FBXO10: variants seen among roughly 807,000 people sequenced by gnomAD.
FBXO10 encodes F-box only protein 10.
FBXO10 carries 39 observed loss-of-function variants against 80.7 expected under a neutral mutation model. That is an observed-to-expected ratio of 0.48 (90% CI 0.37 to 0.63). The LOEUF (loss-of-function observed/expected upper bound fraction) is 0.63, where lower values mean the gene tolerates loss of function less well. FBXO10 is among the 30% of genes least tolerant of loss of function. The pLI, the probability that FBXO10 is intolerant of heterozygous loss-of-function variation, is 0.00. For synonymous variants in FBXO10, 449 were observed against 489.6 expected (o/e 0.92, Z 1.09); for missense variants, 1,025 against 1,269.0 (o/e 0.81, Z 2.92).
intron 1 of FBXO10, among the ~76,000 whole-genome samples, chr9:37,553,941 A>G (rs1275266873): frequency 7.0e-6 from 1 of 143,882 alleles, no homozygotes; most frequent in Non-Finnish European, 1.5e-5. Flanking sequence ...AAAAAAAAAG[A>G]AAGAAAGAAA....
intron 1 of FBXO10, among the ~76,000 whole-genome samples, chr9:37,557,104 C>T (rs939369498): frequency 6.6e-6 from 1 of 152,198 alleles, no homozygotes; most frequent in African/African-American, 2.4e-5. Context: ...ACTGGGTCTA[C>T]GTGTCCATGC....
intron 1 of FBXO10, among the ~76,000 whole-genome samples, chr9:37,545,219 C>G (rs964959039): frequency 2.1e-5 from 3 of 144,826 alleles, no homozygotes; most frequent in Non-Finnish European, 3.0e-5. Flanking sequence ...CTCTACCACC[C>G]AGACTGGAGT....
intron 6 of FBXO10, among the ~76,000 whole-genome samples, 192 bp downstream of exon 6, chr9:37,524,910 C>T (rs969116248): frequency 2.0e-5 from 3 of 152,182 alleles, no homozygotes; most frequent in African/African-American, 7.2e-5. Flanking sequence ...GAGCAGACAC[C>T]CACTCTGTGT....
At position 37,512,388 on chromosome 9, in the gene FBXO10, G is replaced by A. The variant is rs1478081847; in HGVS notation, c.*159C>T. 1.3e-5 allele frequency: 8 copies of A among 618,148 alleles called. No individual in the cohort carries two copies. Among genetic ancestry groups the A allele is most frequent in the African/African-American group, 5.5e-5 (3 of 54,168 alleles). 38.3% of individuals were successfully genotyped at this position (618,148 alleles called of 1,614,324 possible). ...CATTGCCCACTTTCTTCTTGCTATG[G>A]GCTGTGGAGCTGAAGTGTTCTGGAG... On this transcript the variant is annotated 3_prime_UTR_variant, in exon 11 of 11. Coordinates refer to ENST00000432825, the MANE Select transcript of FBXO10 (RefSeq NM_012166.3).
At chr9:37,561,534 T>A (rs1822483229) in intron 1 of FBXO10, among the ~76,000 whole-genome samples, 2 of 152,198 alleles carry the variant, frequency 1.3e-5, no homozygotes, top group Non-Finnish European at 2.9e-5. Flanking sequence ...TGCCTCGCCC[T>A]GTGACTTCAG....
At chr9:37,543,353 T>TC (rs1397529030) in intron 1 of FBXO10, among the ~76,000 whole-genome samples, 1 of 152,162 alleles carries the variant, frequency 6.6e-6, no homozygotes. Context: ...AAAGGGGCCA[T>TC]CGAGCCCTTT....
chr9:37,532,694 C>T (rs74600511), intron 3 of FBXO10, among the ~76,000 whole-genome samples: 3,880 of 152,202 alleles, frequency 0.025, 70 homozygotes, highest in Middle Eastern at 0.071. Flanking sequence ...GCCCTGTGCT[C>T]TATATTCAGA....
At chr9:37,521,524 G>A (rs1821344520) in intron 8 of FBXO10, 45 bp downstream of exon 8, 2 of 1,459,832 alleles carry the variant, frequency 1.4e-6, no homozygotes, top group Admixed American at 2.5e-5. Context: ...AGACAGTGGG[G>A]AGCCATGGAA....
rs1234748674 is a variant in FBXO10, at chr9:37,516,023, C to T, written c.2577G>A (p.Lys859=). ...AGATGATGTTTTCCTGCACCAGGGC[C>T]TTGGCACGGCCCCGCACGGCGATGC... ...AYGIAVRGRA[K]ALVQENIIFQ... Residue 859 remains lysine (K), a synonymous_variant, in exon 10 of 11, where the codon AAG becomes AAA. Coordinates refer to ENST00000432825, the MANE Select transcript of FBXO10 (RefSeq NM_012166.3). The T allele has an allele frequency of 3.7e-6, 6 of 1,613,924 alleles. No homozygotes were observed. In the South Asian group the frequency reaches 6.6e-5, roughly 18 times the overall value.
chr9:37,515,798 G>C (rs1821165767), intron 10 of FBXO10, 106 bp downstream of exon 10: 1 of 1,200,594 alleles, frequency 8.3e-7, no homozygotes. Context: ...CAGCTGGCAG[G>C]GTTGCAGGGA....
intron 1 of FBXO10, chr9:37,575,598 G>C (rs1031099839): frequency 7.9e-5 from 12 of 152,252 alleles, no homozygotes; most frequent in Middle Eastern, 3.2e-3. Flanking sequence ...ATCTGAACCA[G>C]AGCTAACTGA....
chr9:37,555,757 A>C (rs1822319673), intron 1 of FBXO10, among the ~76,000 whole-genome samples: 1 of 151,924 alleles, frequency 6.6e-6, no homozygotes, highest in South Asian at 2.1e-4. Context: ...TGCCAGATAC[A>C]TGTTCTTTGA....
Position 37,541,278 on chromosome 9 carries a change from A to C in FBXO10, c.491T>G (p.Val164Gly). The C allele has an allele frequency of 6.2e-7, 1 of 1,613,960 alleles. No individual in the cohort carries two copies. ...EIVGQGKLGE[V>G]ALLASIDQHC... The stretch of plus-strand genomic sequence containing the variant: ...CTGATCAATGCTGGCCAGCAGGGCC[A>C]CTTCACCCAACTTCCCCTGCCCTAC... Residue 164 changes from valine (V) to glycine (G), a missense_variant, in exon 2 of 11, where the codon GTG becomes GGG. By Grantham distance (109) the Val-to-Gly change is moderately radical. Transcript: ENST00000432825.
Position 37,515,990 on chromosome 9 carries a change from G to T in FBXO10, c.2610C>A (p.Gly870=), listed in dbSNP as rs1193107065. The T allele has an allele frequency of 2.5e-6, 4 of 1,613,954 alleles. No homozygotes were observed. Among genetic ancestry groups the T allele is most frequent in the African/African-American group, 2.7e-5 (2 of 74,932 alleles). Residue 870 remains glycine (G), a synonymous_variant, in exon 10 of 11, where the codon GGC becomes GGA. Transcript: ENST00000432825. Reference sequence around the variant, plus strand: ...GCTGAAAGATGGTCTTACTGGTTTTGCCCTGGAAGATGATGTTTTCCTGCA... The same window carrying T: ...GCTGAAAGATGGTCTTACTGGTTTTTCCCTGGAAGATGATGTTTTCCTGCA... ...ALVQENIIFQ[G]KTSKTIFQQI... is the part of the protein sequence containing the mutation.
chr9:37,533,750 TAGTTTC>T (rs1432725717), intron 3 of FBXO10, among the ~76,000 whole-genome samples: 2 of 151,764 alleles, frequency 1.3e-5, no homozygotes, highest in Non-Finnish European at 2.9e-5. Context: ...CTCATGCCTG[TAGTTTC>T]AGCTACTTGG....
chr9:37,561,692 A>G (rs1822488611), intron 1 of FBXO10, among the ~76,000 whole-genome samples: 1 of 152,232 alleles, frequency 6.6e-6, no homozygotes, highest in Non-Finnish European at 1.5e-5. Context: ...CTATGTGCCA[A>G]GCATTGTTCC....
At chr9:37,545,015 G>A (rs1822021738) in intron 1 of FBXO10, among the ~76,000 whole-genome samples, 1 of 142,964 alleles carries the variant, frequency 7.0e-6, no homozygotes, top group Non-Finnish European at 1.5e-5. Flanking sequence ...AAAAAAAAGA[G>A]AGAGAAAAGC....
At chr9:37,526,943 C>T (rs1275502963) in intron 5 of FBXO10, among the ~76,000 whole-genome samples, 2 of 151,834 alleles carry the variant, frequency 1.3e-5, no homozygotes, top group African/African-American at 2.4e-5. Flanking sequence ...CTTCGCCTCC[C>T]GGGTTCAAGC....
intron 10 of FBXO10, chr9:37,514,849 A>T (rs532412161): frequency 6.6e-6 from 1 of 152,240 alleles, no homozygotes; most frequent in South Asian, 2.1e-4. Flanking sequence ...AAATAAATAA[A>T]TAATTAGGTA....
Sources: gnomAD v4.1 joint callset for allele counts (sites outside exome capture counted in the v4.1 genomes callset) on GRCh38, gnomAD v4.1.1 for gene constraint, MANE v1.5 for transcripts, NCBI Gene and HGNC (gene_info 2026-07-23, HGNC 2026-07-21) for gene names.